VMAC: variants seen among roughly 807,000 people sequenced by gnomAD.
The protein encoded by VMAC is vimentin-type intermediate filament-associated coiled-coil protein.
A neutral mutation model predicts 4.8 loss-of-function variants in VMAC; 8 were observed. The ratio of observed to expected loss-of-function variants is 1.68; its 90% CI spans 0.99 to 3.03. The LOEUF (loss-of-function observed/expected upper bound fraction) is 3.03. VMAC is among the 30% of genes most tolerant of loss of function. The probability of loss-of-function intolerance (pLI) is 0.00; values close to 1 mark genes in which losing one functional copy is unlikely to be tolerated. For synonymous variants in VMAC, 96 were observed against 113.7 expected (o/e 0.84, Z 0.99); for missense variants, 248 against 245.1 (o/e 1.01, Z -0.08).
In VMAC at chr19:5,904,961, C is replaced by T. The variant is rs923554088; in HGVS notation, c.71C>T (p.Ala24Val). The change falls in exon 1 of 2, where the codon GCG becomes GTG. Residue 24 changes from alanine (A) to valine (V), a missense_variant. Coordinates refer to ENST00000339485, the MANE Select transcript of VMAC (RefSeq NM_001017921.4). ...CTGGCAGCCGTGCACCGGCGCGCAG[C>T]GGAGCTGGAGGCGCGGCTGGACGCG... ...AHLAAVHRRA[A>V]ELEARLDAAE... is the part of the protein sequence containing the mutation. The T allele has an allele frequency of 3.4e-6, 5 of 1,478,258 alleles. No individual in the cohort carries two copies. Among genetic ancestry groups the T allele is most frequent in the African/African-American group, 2.9e-5 (2 of 68,092 alleles). 91.6% of individuals were successfully genotyped at this position (1,478,258 alleles called of 1,614,324 possible).
At position 5,905,180 on chromosome 19, in the gene VMAC, T is replaced by C. The variant is rs187870755; in HGVS notation, c.191+99T>C. On this transcript the variant is annotated intron_variant, in intron 1 of 1. Coordinates refer to ENST00000339485, the MANE Select transcript of VMAC (RefSeq NM_001017921.4). ...GAAGGGCAGGGGGAACCGTGTGCAC[T>C]TGTATAGACGCTAGACTGAGTATCG... 1.5e-5 allele frequency: 18 copies of C among 1,212,494 alleles called. No individual in the cohort carries two copies. In the African/African-American group the frequency reaches 2.4e-4, roughly 16 times the overall value. The allele number at this position is 1,212,494 out of a possible 1,614,324, so 75.1% of individuals were successfully genotyped here.
At chr19:5,907,868 AG>A (rs1481972850) in intron 1 of VMAC, among the ~76,000 whole-genome samples, 2 of 151,942 alleles carry the variant, frequency 1.3e-5, no homozygotes, top group African/African-American at 4.8e-5. Context: ...CCCTATAAAG[AG>A]GTTCCTTCCA....
In VMAC at chr19:5,905,098, G is replaced by C. The variant is rs765744824; in HGVS notation, c.191+17G>C. ...CAAGGACCGGTGAGGCCCGGGGCCGGCCAGGTGGACTTCACCGAGGCGGTA... is the reference window on the plus strand; with the variant it reads ...CAAGGACCGGTGAGGCCCGGGGCCGCCCAGGTGGACTTCACCGAGGCGGTA... On this transcript the variant is annotated intron_variant, in intron 1 of 1. Coordinates refer to ENST00000339485, the MANE Select transcript of VMAC (RefSeq NM_001017921.4). The C allele has an allele frequency of 3.0e-6, 4 of 1,337,660 alleles. No individual in the cohort carries two copies. The highest frequency in any genetic ancestry group is 3.8e-6 in the Non-Finnish European group (4 of 1,048,900). 82.9% of individuals were successfully genotyped at this position (1,337,660 alleles called of 1,614,324 possible).
chr19:5,906,032 T>G (rs975562293), intron 1 of VMAC, among the ~76,000 whole-genome samples: 8 of 152,074 alleles, frequency 5.3e-5, no homozygotes, highest in South Asian at 2.1e-4. Flanking sequence ...TTGCCCAGGC[T>G]GGAATGCAGT....
In VMAC at chr19:5,904,874, G is replaced by A. The variant is rs774363269; in HGVS notation, c.-17G>A. The A allele has an allele frequency of 6.9e-6, 10 of 1,455,198 alleles. No homozygotes were observed. The highest frequency in any genetic ancestry group is 2.4e-4 in the Middle Eastern group (1 of 4,112). The allele number at this position is 1,455,198 out of a possible 1,614,324, so 90.1% of individuals were successfully genotyped here. ...GCCGCCTGGGGGCGTGGCCGGGCCT[G>A]TACAGCAGCCTGGGCCATGTCGGCG... On this transcript the variant is annotated 5_prime_UTR_variant, in exon 1 of 2. Coordinates refer to ENST00000339485, the MANE Select transcript of VMAC (RefSeq NM_001017921.4).
chr19:5,907,619 A>AAAAAAAAAAAAAAAAAAAAAAC, intron 1 of VMAC, among the ~76,000 whole-genome samples: 1 of 134,348 alleles, frequency 7.4e-6, no homozygotes, highest in Non-Finnish European at 1.6e-5. Context: ...CTAAAAAAAA[A>AAAAAAAAAAAAAAAAAAAAAAC]AAAAAAAAAA....
In VMAC at chr19:5,909,829, TA is replaced by T. The variant is rs376282679; in HGVS notation, c.*688del. 1 of 152,352 alleles carries T rather than the reference TA, an allele frequency of 6.6e-6. No homozygotes were observed. The highest frequency in any genetic ancestry group is 2.4e-5 in the African/African-American group (1 of 41,566). 9.4% of individuals were successfully genotyped at this position (152,352 alleles called of 1,614,324 possible). On this transcript the variant is annotated 3_prime_UTR_variant, in exon 2 of 2. Transcript: ENST00000339485. Reference sequence around the variant, plus strand: ...GTAGCATGCAACTGTCTCCTTTTTATACGCCCTAAAGAATATATTTTTGAAC... The same window carrying T: ...GTAGCATGCAACTGTCTCCTTTTTATCGCCCTAAAGAATATATTTTTGAAC...
chr19:5,905,905 G>A (rs1468389561), intron 1 of VMAC, among the ~76,000 whole-genome samples: 1 of 152,022 alleles, frequency 6.6e-6, no homozygotes, highest in South Asian at 2.1e-4. Context: ...CTGTTGCCCA[G>A]TTTGGTCTTG....
At position 5,904,876 on chromosome 19, in the gene VMAC, A is replaced by G. The variant is rs1007075919; in HGVS notation, c.-15A>G. The G allele has an allele frequency of 1.4e-6, 2 of 1,459,636 alleles. No individual in the cohort carries two copies. The highest frequency in any genetic ancestry group is 1.5e-5 in the African/African-American group (1 of 67,428). The allele number at this position is 1,459,636 out of a possible 1,614,324, so 90.4% of individuals were successfully genotyped here. ...CGCCTGGGGGCGTGGCCGGGCCTGTACAGCAGCCTGGGCCATGTCGGCGCC... is the reference window on the plus strand; with the variant it reads ...CGCCTGGGGGCGTGGCCGGGCCTGTGCAGCAGCCTGGGCCATGTCGGCGCC... On this transcript the variant is annotated 5_prime_UTR_variant, in exon 1 of 2. Coordinates refer to ENST00000339485, the MANE Select transcript of VMAC (RefSeq NM_001017921.4).
In VMAC at chr19:5,908,802, C is replaced by A. The variant is rs371316064; in HGVS notation, c.192-22C>A. 2.2e-5 allele frequency: 36 copies of A among 1,612,488 alleles called. No homozygotes were observed. Among genetic ancestry groups the A allele is most frequent in the Admixed American group, 1.2e-4 (7 of 59,524 alleles). ...GCTGTGGTCCTCAGTTCTGTAATCA[C>A]CTCCTCTTGCCTTCCTGCCAGTGAG... On this transcript the variant is annotated intron_variant, in intron 1 of 1. Coordinates refer to ENST00000339485, the MANE Select transcript of VMAC (RefSeq NM_001017921.4). The surrounding 1 kb of genome is among the most constrained non-coding windows in gnomAD (Gnocchi z 4.5).
intron 1 of VMAC, among the ~76,000 whole-genome samples, chr19:5,907,414 A>T (rs1300746398): frequency 2.0e-5 from 3 of 151,678 alleles, no homozygotes; most frequent in African/African-American, 7.3e-5. Flanking sequence ...AACTGGTGGG[A>T]GGTAAATGAA....
At chr19:5,907,506 C>G (rs2057682628) in intron 1 of VMAC, among the ~76,000 whole-genome samples, 1 of 150,792 alleles carries the variant, frequency 6.6e-6, no homozygotes, top group East Asian at 1.9e-4. Flanking sequence ...GGCGCAATGG[C>G]TCACGCCTAT....
At position 5,904,964 on chromosome 19, in the gene VMAC, A is replaced by C. The variant is rs948075942; in HGVS notation, c.74A>C (p.Glu25Ala). 2.1e-4 allele frequency: 309 copies of C among 1,475,776 alleles called. No individual in the cohort carries two copies. Among genetic ancestry groups the C allele is most frequent in the Non-Finnish European group, 2.7e-4 (302 of 1,123,636 alleles). 91.4% of individuals were successfully genotyped at this position (1,475,776 alleles called of 1,614,324 possible). ...GCAGCCGTGCACCGGCGCGCAGCGG[A>C]GCTGGAGGCGCGGCTGGACGCGGCG... ...HLAAVHRRAA[E>A]LEARLDAAER... The change falls in exon 1 of 2, where the codon GAG (glutamate) becomes GCG (alanine). Residue 25 changes from glutamate (E) to alanine (A), a missense_variant. Physicochemically the swap from Glu to Ala is moderately radical, Grantham distance 107. Coordinates refer to ENST00000339485, the MANE Select transcript of VMAC (RefSeq NM_001017921.4).
chr19:5,907,717 C>T (rs975276472), intron 1 of VMAC, among the ~76,000 whole-genome samples: 11 of 146,344 alleles, frequency 7.5e-5, no homozygotes, highest in African/African-American at 1.8e-4. Flanking sequence ...ACTCGGGAGG[C>T]GGAGGTTGCA....
Position 5,908,096 on chromosome 19 carries a change from T to C in VMAC, c.192-728T>C, listed in dbSNP as rs1027488057. Among the ~76,000 whole-genome samples, 5 of 152,002 alleles carry C rather than the reference T, an allele frequency of 3.3e-5. No homozygotes were observed. The highest frequency in any genetic ancestry group is 1.9e-4 in the East Asian group (1 of 5,172). On this transcript the variant is annotated intron_variant, in intron 1 of 1. Transcript: ENST00000339485. The surrounding 1 kb of genome is among the most constrained non-coding windows in gnomAD (Gnocchi z 4.5). ...ACAGTGGCTCAGCCTGTAATCCCAG[T>C]ACTTTGGGAGGCCAAGGCGGGTGGA...
At chr19:5,906,882 CT>C (rs1568435065) in intron 1 of VMAC, among the ~76,000 whole-genome samples, 2 of 152,060 alleles carry the variant, frequency 1.3e-5, no homozygotes, top group Non-Finnish European at 1.5e-5. Flanking sequence ...AAAAAATTAG[CT>C]GGGTGTGGTG....
In VMAC at chr19:5,909,340, G is replaced by A; in HGVS notation, c.*198G>A. The stretch of plus-strand genomic sequence containing the variant: ...GTTTAACCCAGACAGAAGTGTTCTT[G>A]TTTGTTTTTAAGCTTTGAATCAGTC... On this transcript the variant is annotated 3_prime_UTR_variant, in exon 2 of 2. Coordinates refer to ENST00000339485, the MANE Select transcript of VMAC (RefSeq NM_001017921.4). The A allele has an allele frequency of 1.8e-6, 1 of 556,072 alleles. No homozygotes were observed. The highest frequency in any genetic ancestry group is 2.8e-5 in the South Asian group (1 of 36,146). 34.4% of individuals were successfully genotyped at this position (556,072 alleles called of 1,614,324 possible).
chr19:5,905,726 TTTA>T (rs200149832), intron 1 of VMAC, among the ~76,000 whole-genome samples: 3,364 of 151,744 alleles, frequency 0.022, 46 homozygotes, highest in Middle Eastern at 0.087. Flanking sequence ...CCGGCCTAAA[TTTA>T]TTATTTTTGA....
rs1451576528 is a variant in VMAC at position 5,910,708 on chromosome 19, CAACAAA to C, written c.*1567_*1572del. On this transcript the variant is annotated 3_prime_UTR_variant, in exon 2 of 2. Transcript: ENST00000339485. ...ACAACAACAACAACAACAACAACAA[CAACAAA>C]CAGAGGCCCAGAGGTGTGAAGGGAA... is the stretch of plus-strand genomic sequence containing the variant. 2 of 134,830 alleles carry C rather than the reference CAACAAA, an allele frequency of 1.5e-5. No individual in the cohort carries two copies. The highest frequency in any genetic ancestry group is 2.0e-4 in the East Asian group (1 of 4,994). 8.4% of individuals were successfully genotyped at this position (134,830 alleles called of 1,614,324 possible).
Sources: gnomAD v4.1 joint callset for allele counts (sites outside exome capture counted in the v4.1 genomes callset) on GRCh38, gnomAD v4.1.1 for gene constraint, Gnocchi (gnomAD v3.1) non-coding constraint, MANE v1.5 for transcripts, NCBI Gene and HGNC (gene_info 2026-07-23, HGNC 2026-07-21) for gene names.